Variants in KCNC2 observed in about 807,000 individuals in gnomAD.
KCNC2 encodes voltage-gated potassium channel KCNC2.
KCNC2 carries 21 observed loss-of-function variants against 44.5 expected under a neutral mutation model. That is an observed-to-expected ratio of 0.47 (90% CI 0.33 to 0.68). KCNC2 has a LOEUF of 0.68. Ranked by LOEUF, KCNC2 falls within the 30% of genes least tolerant of loss-of-function variation. The probability of loss-of-function intolerance (pLI) is 0.01; values close to 1 mark genes in which losing one functional copy is unlikely to be tolerated. For synonymous variants in KCNC2, 391 were observed against 339.1 expected, an observed-to-expected ratio of 1.15 and a Z score of -1.68; for missense variants, 589 against 826.2, an observed-to-expected ratio of 0.71 and a Z score of 3.52.
rs566929844 is a variant in KCNC2, at chr12:75,116,560, A to G, written c.688-65243T>C. ...ACATATTCCAATAGAGGAAGATACTATAATAGCAAAACAACATTTAAAAAT... is the reference window on the plus strand; with the variant it reads ...ACATATTCCAATAGAGGAAGATACTGTAATAGCAAAACAACATTTAAAAAT... On this transcript the variant is annotated intron_variant, in intron 2 of 4. Coordinates refer to ENST00000549446, the MANE Select transcript of KCNC2 (RefSeq NM_139137.4). Among the ~76,000 whole-genome samples the G allele has an allele frequency of 5.3e-5, 8 of 152,360 alleles. No individual in the cohort carries two copies. The South Asian group carries it at 1.4e-3, about 28-fold the overall frequency.
intron 2 of KCNC2, among the ~76,000 whole-genome samples, chr12:75,059,858 A>G (rs1487048116): frequency 6.6e-6 from 1 of 152,144 alleles, no homozygotes; most frequent in Non-Finnish European, 1.5e-5. Context: ...AATCATAAAT[A>G]TCTAGGTCTA....
intron 2 of KCNC2, among the ~76,000 whole-genome samples, chr12:75,166,855 AAG>A (rs1310790313): frequency 6.6e-6 from 1 of 151,270 alleles, no homozygotes; most frequent in Non-Finnish European, 1.5e-5. Context: ...ATTGAAAAAG[AAG>A]CTCTCAAATA....
intron 2 of KCNC2, among the ~76,000 whole-genome samples, chr12:75,102,896 T>C (rs949093220): frequency 6.6e-6 from 1 of 152,082 alleles, no homozygotes; most frequent in East Asian, 1.9e-4. Context: ...TTGTTTTATA[T>C]AGCATTGCAT....
In KCNC2 at chr12:75,042,730, T is replaced by C; in HGVS notation, c.*375A>G. 8.6e-7 allele frequency: 1 copy of C among 1,160,250 alleles called. No individual in the cohort carries two copies. Among genetic ancestry groups the C allele is most frequent in the Non-Finnish European group, 1.1e-6 (1 of 940,562 alleles). The allele number at this position is 1,160,250 out of a possible 1,614,324, so 71.9% of individuals were successfully genotyped here. On this transcript the variant is annotated 3_prime_UTR_variant, in exon 5 of 5. Transcript: ENST00000549446. ...GATCCCAGACATCTTCAGAATGGTTTACAGTCACAAGAAATAAAGTTCCAA... is the reference window on the plus strand; with the variant it reads ...GATCCCAGACATCTTCAGAATGGTTCACAGTCACAAGAAATAAAGTTCCAA...
At chr12:75,076,419 C>A (rs1191607285) in intron 2 of KCNC2, among the ~76,000 whole-genome samples, 2 of 152,106 alleles carry the variant, frequency 1.3e-5, no homozygotes, top group Non-Finnish European at 2.9e-5. Flanking sequence ...ACTAGAGGCG[C>A]CCGCTACCAC....
chr12:75,183,695 A>G (rs1892750285), intron 2 of KCNC2, among the ~76,000 whole-genome samples: 1 of 152,226 alleles, frequency 6.6e-6, no homozygotes, highest in Non-Finnish European at 1.5e-5. Flanking sequence ...TAAAAAGGAC[A>G]TAAAAATATG....
intron 2 of KCNC2, among the ~76,000 whole-genome samples, chr12:75,058,330 T>C (rs1399410218): frequency 6.6e-6 from 1 of 151,558 alleles, no homozygotes; most frequent in Non-Finnish European, 1.5e-5. Context: ...CTAATATTTT[T>C]ATCTTTAATA....
intron 2 of KCNC2, among the ~76,000 whole-genome samples, chr12:75,071,722 C>T (rs1040809546): frequency 2.0e-5 from 3 of 151,898 alleles, no homozygotes; most frequent in South Asian, 2.1e-4. Flanking sequence ...GAGGCCAAGG[C>T]GGGCGGATCA....
chr12:75,156,105 T>C (rs961637040), intron 2 of KCNC2, among the ~76,000 whole-genome samples: 3 of 151,760 alleles, frequency 2.0e-5, no homozygotes, highest in African/African-American at 7.3e-5. Flanking sequence ...AGTAGAGATA[T>C]CACAGCCCAA....
chr12:75,109,086 T>C (rs899253251), intron 2 of KCNC2, among the ~76,000 whole-genome samples: 1 of 152,196 alleles, frequency 6.6e-6, no homozygotes, highest in African/African-American at 2.4e-5. Context: ...TATCTAAGTC[T>C]CAGTTTCCTC....
chr12:75,104,466 G>A (rs1362698121), intron 2 of KCNC2, among the ~76,000 whole-genome samples: 3 of 152,016 alleles, frequency 2.0e-5, no homozygotes, highest in Non-Finnish European at 4.4e-5. Context: ...CATGGAAAAG[G>A]GAGGGCTATT....
chr12:75,114,294 C>G (rs557313655), intron 2 of KCNC2, among the ~76,000 whole-genome samples: 272 of 152,304 alleles, frequency 1.8e-3, no homozygotes, highest in Admixed American at 4.4e-3. Flanking sequence ...AGATTACAGA[C>G]AGTTGCTAGG....
At chr12:75,106,064 A>C (rs1437729658) in intron 2 of KCNC2, among the ~76,000 whole-genome samples, 1 of 152,146 alleles carries the variant, frequency 6.6e-6, no homozygotes, top group Non-Finnish European at 1.5e-5. Flanking sequence ...AGAAGGAACA[A>C]ACAGAAGATA....
At chr12:75,140,980 G>A (rs1241993742) in intron 2 of KCNC2, among the ~76,000 whole-genome samples, 6 of 152,014 alleles carry the variant, frequency 3.9e-5, no homozygotes, top group Non-Finnish European at 8.8e-5. Context: ...TCTCACTGTG[G>A]GAAATACCTT....
chr12:75,054,097 C>T (rs969567914), intron 2 of KCNC2, among the ~76,000 whole-genome samples: 1 of 151,674 alleles, frequency 6.6e-6, no homozygotes, highest in Non-Finnish European at 1.5e-5. Flanking sequence ...GTGGCACATG[C>T]CTGTAATCCC....
Position 75,051,002 on chromosome 12 carries a change from G to A in KCNC2, c.1003C>T (p.Leu335=). The A allele has an allele frequency of 6.2e-7, 1 of 1,613,752 alleles. No individual in the cohort carries two copies. The highest frequency in any genetic ancestry group is 8.5e-7 in the Non-Finnish European group (1 of 1,179,824). ...ACATCTTTAGCAGCTTTGGATGACA[G>A]CCCACTGAGTCCCACCTCTAAGTAG... The part of the protein sequence containing the change: ...PFYLEVGLSG[L]SSKAAKDVLG... The change falls in exon 3 of 5, where the codon CTG becomes TTG. Residue 335 remains leucine, a synonymous_variant. Coordinates refer to ENST00000549446, the MANE Select transcript of KCNC2 (RefSeq NM_139137.4).
At chr12:75,135,015 T>C (rs1889126161) in intron 2 of KCNC2, among the ~76,000 whole-genome samples, 1 of 151,920 alleles carries the variant, frequency 6.6e-6, no homozygotes, top group Non-Finnish European at 1.5e-5. Context: ...TATCAGATCA[T>C]TTTTACTTTA....
At chr12:75,182,339 AC>A (rs67101260) in intron 2 of KCNC2, among the ~76,000 whole-genome samples, 44,827 of 151,174 alleles carry the variant, frequency 0.3, 6,727 homozygotes, top group Middle Eastern at 0.41. Context: ...CCTGGTTAAC[AC>A]GGTGAAACCC....
chr12:75,174,190 A>G (rs1227757730), intron 2 of KCNC2, among the ~76,000 whole-genome samples: 1 of 151,216 alleles, frequency 6.6e-6, no homozygotes, highest in African/African-American at 2.4e-5. Context: ...TTTTTATACC[A>G]TGTATTTTTT....
Sources: allele counts gnomAD v4.1 joint callset (sites outside exome capture counted in the v4.1 genomes callset), GRCh38; gene constraint gnomAD v4.1.1; transcripts MANE v1.5; gene names NCBI Gene and HGNC (gene_info 2026-07-23, HGNC 2026-07-21).